Variants in LRRC8D observed in about 807,000 individuals in gnomAD.
LRRC8D encodes the protein leucine rich repeat containing 8 VRAC subunit D.
A neutral mutation model predicts 55.8 loss-of-function variants in LRRC8D; 20 were observed. The observed-to-expected ratio is 0.36, with a 90% CI of 0.25 to 0.52. The LOEUF is 0.52. Ranked by LOEUF, LRRC8D falls within the 20% of genes least tolerant of loss-of-function variation. The probability of loss-of-function intolerance (pLI) is 0.93; values close to 1 mark genes in which losing one functional copy is unlikely to be tolerated. For missense variants in LRRC8D, 651 were observed against 1,030.8 expected, an observed-to-expected ratio of 0.63 and a Z score of 5.05; for synonymous variants, 352 against 377.0, an observed-to-expected ratio of 0.93 and a Z score of 0.77.
intron 2 of LRRC8D, among the ~76,000 whole-genome samples, chr1:89,848,592 C>T (rs1661336105): frequency 6.6e-6 from 1 of 152,054 alleles, no homozygotes; most frequent in Admixed American, 6.5e-5. Context: ...AAATTACTTC[C>T]TATCTATTGA....
intron 2 of LRRC8D, among the ~76,000 whole-genome samples, chr1:89,857,888 C>G (rs1221115350): frequency 6.6e-6 from 1 of 152,234 alleles, no homozygotes; most frequent in Non-Finnish European, 1.5e-5. Context: ...TCTTCACTAT[C>G]TTTCAAAAAA....
chr1:89,901,552 T>G (rs1345061363), intron 2 of LRRC8D, among the ~76,000 whole-genome samples: 1 of 152,208 alleles, frequency 6.6e-6, no homozygotes, highest in Non-Finnish European at 1.5e-5. Context: ...CCTTTCCACC[T>G]GACCTGTCCC....
intron 1 of LRRC8D, among the ~76,000 whole-genome samples, chr1:89,842,144 C>T (rs1330004420): frequency 1.4e-5 from 2 of 144,288 alleles, no homozygotes; most frequent in Admixed American, 7.3e-5. Context: ...ACCCGAGAGG[C>T]GGAGGTTGCA....
intron 2 of LRRC8D, among the ~76,000 whole-genome samples, chr1:89,897,911 G>C (rs1409922457): frequency 6.6e-6 from 1 of 152,122 alleles, no homozygotes; most frequent in African/African-American, 2.4e-5. Context: ...GTGCATCCCG[G>C]TGAGTGCCTG....
chr1:89,836,586 T>C (rs1392664645), intron 1 of LRRC8D, among the ~76,000 whole-genome samples: 1 of 152,246 alleles, frequency 6.6e-6, no homozygotes, highest in Non-Finnish European at 1.5e-5. Context: ...CATGGAACTT[T>C]ACTGATAGTG....
chr1:89,916,487 A>G (rs1229021048), intron 2 of LRRC8D, among the ~76,000 whole-genome samples: 1 of 152,234 alleles, frequency 6.6e-6, no homozygotes, highest in Non-Finnish European at 1.5e-5. Context: ...CTTTAGGGGA[A>G]TTTTTATTTA....
chr1:89,935,579 C>G lies in LRRC8D; in HGVS notation c.2511C>G (p.Thr837=), dbSNP rs865797555. ...GLVVEDHLFD[T]LPLEVKEALN... ...TTGTGGAAGATCACCTTTTTGATAC[C>G]CTGCCACTCGAAGTCAAAGAGGCAT... The change falls in exon 3 of 3, where the codon ACC becomes ACG. Residue 837 remains threonine (T), a synonymous_variant. Coordinates refer to ENST00000337338, the MANE Select transcript of LRRC8D (RefSeq NM_001134479.2). 5 of 1,613,988 alleles carry G rather than the reference C, an allele frequency of 3.1e-6. No homozygotes were observed. In the South Asian group the frequency reaches 5.5e-5, roughly 18 times the overall value.
At chr1:89,869,350 A>G (rs1298219922) in intron 2 of LRRC8D, among the ~76,000 whole-genome samples, 2 of 152,254 alleles carry the variant, frequency 1.3e-5, no homozygotes, top group Non-Finnish European at 2.9e-5. Context: ...CGCAAGTATC[A>G]ATAGCTGAAT....
chr1:89,847,565 G>A (rs983439146), intron 2 of LRRC8D, among the ~76,000 whole-genome samples: 1 of 152,292 alleles, frequency 6.6e-6, no homozygotes. Context: ...TAAATGCCAA[G>A]GAAAAGTTAA....
intron 1 of LRRC8D, among the ~76,000 whole-genome samples, chr1:89,822,922 G>A (rs1660675722): frequency 6.6e-6 from 1 of 152,128 alleles, no homozygotes; most frequent in African/African-American, 2.4e-5. Context: ...AAGATGGGGA[G>A]GAATCTGAGA....
chr1:89,932,452 T>C (rs1298479544), intron 2 of LRRC8D, among the ~76,000 whole-genome samples: 1 of 152,196 alleles, frequency 6.6e-6, no homozygotes, highest in Admixed American at 6.5e-5. Context: ...ACCAGAGTGA[T>C]TGGAGCTAAC....
chr1:89,912,692 TTATAA>T (rs1308135026), intron 2 of LRRC8D, among the ~76,000 whole-genome samples: 1 of 152,228 alleles, frequency 6.6e-6, no homozygotes, highest in Non-Finnish European at 1.5e-5. Context: ...TTATGTTTGT[TTATAA>T]TATAATCTCT....
At chr1:89,932,932 C>G (rs1178987494) in intron 2 of LRRC8D, 135 bp from the exon 3 acceptor site, 13 of 692,948 alleles carry the variant, frequency 1.9e-5, no homozygotes, top group South Asian at 1.6e-4. Flanking sequence ...AGTTTATTTT[C>G]TACTACATTT....
rs1029072232 is a variant in LRRC8D, at chr1:89,927,726, A to T, written c.-2-5341A>T. ...TAGTATTATCTGTCATTTTAATTTT[A>T]GGAATTCTGGTGGATTTTATAATTT... On this transcript the variant is annotated intron_variant, in intron 2 of 2. Transcript: ENST00000337338. Among the ~76,000 whole-genome samples, 6 of 152,204 alleles carry T rather than the reference A, an allele frequency of 3.9e-5. No homozygotes were observed. In the East Asian group the frequency reaches 1.2e-3, roughly 29 times the overall value.
chr1:89,842,191 C>T (rs368575023), intron 1 of LRRC8D, among the ~76,000 whole-genome samples: 263 of 132,468 alleles, frequency 2.0e-3, no homozygotes, highest in South Asian at 0.013. Flanking sequence ...CCAGCCTGGG[C>T]GACAGAGCGA....
At chr1:89,903,571 T>G (rs1662915946) in intron 2 of LRRC8D, among the ~76,000 whole-genome samples, 1 of 152,188 alleles carries the variant, frequency 6.6e-6, no homozygotes, top group Non-Finnish European at 1.5e-5. Flanking sequence ...AGGGTGGTAT[T>G]AGATATTTTA....
intron 2 of LRRC8D, among the ~76,000 whole-genome samples, chr1:89,872,483 A>G (rs1662036678): frequency 6.6e-6 from 1 of 152,218 alleles, no homozygotes; most frequent in African/African-American, 2.4e-5. Context: ...TAGAACAGGC[A>G]AGACATGAAC....
intron 2 of LRRC8D, among the ~76,000 whole-genome samples, chr1:89,913,259 G>A (rs1285251896): frequency 6.6e-6 from 1 of 152,214 alleles, no homozygotes; most frequent in African/African-American, 2.4e-5. Flanking sequence ...ATCTCTAGAT[G>A]GGCACCTTTG....
At chr1:89,858,012 T>G (rs1198700598) in intron 2 of LRRC8D, among the ~76,000 whole-genome samples, 1 of 152,178 alleles carries the variant, frequency 6.6e-6, no homozygotes, top group South Asian at 2.1e-4. Context: ...GTGGATCACC[T>G]GAGGTCAGGA....
Sources: gnomAD v4.1 joint callset for allele counts (sites outside exome capture counted in the v4.1 genomes callset) on GRCh38, gnomAD v4.1.1 for gene constraint, MANE v1.5 for transcripts, NCBI Gene and HGNC (gene_info 2026-07-23, HGNC 2026-07-21) for gene names.